Variants in RARB observed in about 807,000 individuals in gnomAD.
The protein encoded by RARB is retinoic acid receptor beta, also known as HBV-activated protein.
Under a neutral mutation model 51.9 loss-of-function variants are expected in RARB, and 17 were observed. The ratio of observed to expected loss-of-function variants is 0.33; its 90% confidence interval spans 0.22 to 0.49. The LOEUF is 0.49. Ranked by LOEUF, RARB falls within the 20% of genes least tolerant of loss-of-function variation. RARB has a pLI of 0.99. For missense variants in RARB, 369 were observed against 550.8 expected (o/e 0.67, Z 3.30); for synonymous variants, 215 against 195.4 (o/e 1.10, Z -0.84).
chr3:25,362,337 C>G (rs1705968273), intron 5 of RARB, among the ~76,000 whole-genome samples: 1 of 152,176 alleles, frequency 6.6e-6, no homozygotes, highest in Admixed American at 6.5e-5. Context: ...ACGCCCCTCC[C>G]CCGACCAAAC....
chr3:25,499,265 G>A (rs1458786062), intron 2 of RARB, among the ~76,000 whole-genome samples: 1 of 151,674 alleles, frequency 6.6e-6, no homozygotes, highest in African/African-American at 2.4e-5. Context: ...CAGATGGTGG[G>A]GCTTAGTTTC....
intron 5 of RARB, among the ~76,000 whole-genome samples, chr3:25,396,909 T>C (rs1296167385): frequency 6.6e-6 from 1 of 152,108 alleles, no homozygotes; most frequent in African/African-American, 2.4e-5. Context: ...CCAGTGTATA[T>C]CTAGGCAACC....
intron 5 of RARB, among the ~76,000 whole-genome samples, chr3:25,237,124 C>A (rs1326782738): frequency 6.6e-6 from 1 of 151,846 alleles, no homozygotes; most frequent in African/African-American, 2.4e-5. Flanking sequence ...AAAAGATTTT[C>A]TTTAATAGTT....
intron 3 of RARB, among the ~76,000 whole-genome samples, chr3:25,086,821 G>A (rs954076630): frequency 9.2e-5 from 14 of 152,074 alleles, no homozygotes; most frequent in Non-Finnish European, 1.5e-4. Flanking sequence ...GTTAAGATAA[G>A]GGACCGTGGA....
chr3:25,593,929 A>G (rs1447219209), intron 6 of RARB, among the ~76,000 whole-genome samples: 1 of 152,024 alleles, frequency 6.6e-6, no homozygotes, highest in Non-Finnish European at 1.5e-5. Context: ...CCAAAAAGCT[A>G]TTACTCCAAT....
intron 5 of RARB, among the ~76,000 whole-genome samples, chr3:25,229,636 C>G (rs1473464864): frequency 6.6e-6 from 1 of 151,790 alleles, no homozygotes; most frequent in Non-Finnish European, 1.5e-5. Flanking sequence ...AAATTAAGTT[C>G]TATGCTTTGA....
intron 5 of RARB, among the ~76,000 whole-genome samples, chr3:25,397,713 T>A (rs1219552036): frequency 1.3e-5 from 2 of 152,200 alleles, no homozygotes; most frequent in Admixed American, 6.5e-5. Flanking sequence ...TTCCTCATTA[T>A]CATAATGTTT....
chr3:24,977,377 T>C (rs2125422410), intron 2 of RARB, among the ~76,000 whole-genome samples: 1 of 152,354 alleles, frequency 6.6e-6, no homozygotes, highest in East Asian at 1.9e-4. Context: ...AAAATATTGA[T>C]TCTTCCTACC....
At chr3:25,233,610 C>A (rs965171636) in intron 5 of RARB, among the ~76,000 whole-genome samples, 4 of 152,018 alleles carry the variant, frequency 2.6e-5, no homozygotes, top group Non-Finnish European at 5.9e-5. Flanking sequence ...CATACTTGTC[C>A]TGTTCCTGAT....
At position 25,308,451 on chromosome 3, in the gene RARB, T is replaced by TC. The variant is rs1450589527; in HGVS notation, c.178+133876_178+133877insC. ...CCCTGACTGGTTTTCTTTCTTTCTT[T>TC]TTTTTTTTTTTTTTTGAGACAGAGT... is the stretch of plus-strand genomic sequence containing the variant. On this transcript the variant is annotated intron_variant, in intron 5 of 11. Transcript: ENST00000383772. Among the ~76,000 whole-genome samples, 12 of 108,290 alleles carry TC rather than the reference T, an allele frequency of 1.1e-4. No individual in the cohort carries two copies. The South Asian group carries it at 2.2e-3, about 20-fold the overall frequency. The allele number at this position is 108,290 out of a possible 152,430, so 71.0% of individuals were successfully genotyped here.
At chr3:25,457,792 G>T (rs752872861) in intron 1 of RARB, among the ~76,000 whole-genome samples, 3 of 152,156 alleles carry the variant, frequency 2.0e-5, no homozygotes, top group Non-Finnish European at 4.4e-5. Flanking sequence ...GCTGATTCCA[G>T]CCCTACCAGA....
In RARB at chr3:25,059,503, G is replaced by T. The variant is rs879763254; in HGVS notation, c.-379-622G>T. Among the ~76,000 whole-genome samples, 10 of 151,780 alleles carry T rather than the reference G, an allele frequency of 6.6e-5. No individual in the cohort carries two copies. In the South Asian group the frequency reaches 1.3e-3, roughly 19 times the overall value. On this transcript the variant is annotated intron_variant, in intron 2 of 11. Transcript: ENST00000383772. ...TCTGTCATTTTAGTAGTCATAAAAT[G>T]ACTAAAAAACCATGTTCTGTACTTT...
At chr3:25,461,591 T>G (rs1695185948) in intron 2 of RARB, among the ~76,000 whole-genome samples, 2 of 152,170 alleles carry the variant, frequency 1.3e-5, no homozygotes, top group South Asian at 4.1e-4. Context: ...AATAATTCCT[T>G]TTAGATAATA....
At chr3:25,424,205 G>A (rs567481065), upstream of RARB, among the ~76,000 whole-genome samples, 7 of 152,294 alleles carry the variant, frequency 4.6e-5, no homozygotes, top group East Asian at 1.9e-4. Flanking sequence ...CTAAGAAGTC[G>A]CTATACTCAT....
intron 2 of RARB, among the ~76,000 whole-genome samples, chr3:25,495,751 C>A (rs541610990): frequency 1.3e-5 from 2 of 152,168 alleles, no homozygotes; most frequent in Non-Finnish European, 2.9e-5. Context: ...AATTGGTGTT[C>A]ATTGTGTTAC....
chr3:24,852,982 G>T (rs904663156), intron 1 of RARB, among the ~76,000 whole-genome samples: 2 of 152,036 alleles, frequency 1.3e-5, no homozygotes, highest in African/African-American at 4.8e-5. Flanking sequence ...CTGGTGAATT[G>T]TATGGTATAT....
At chr3:25,447,788 A>G (rs1553616246) in intron 1 of RARB, among the ~76,000 whole-genome samples, 1 of 152,058 alleles carries the variant, frequency 6.6e-6, no homozygotes, top group Non-Finnish European at 1.5e-5. Flanking sequence ...GAAAACTGAC[A>G]TGACTTGCTT....
chr3:25,564,341 T>G (rs979991656), intron 3 of RARB, among the ~76,000 whole-genome samples: 1 of 152,186 alleles, frequency 6.6e-6, no homozygotes, highest in Non-Finnish European at 1.5e-5. Context: ...TACTTGATAT[T>G]TTATGGAGCA....
intron 2 of RARB, among the ~76,000 whole-genome samples, chr3:24,926,924 G>C (rs1429095531): frequency 6.6e-6 from 1 of 152,026 alleles, no homozygotes; most frequent in Non-Finnish European, 1.5e-5. Flanking sequence ...ACTAGTTTGA[G>C]TGTTTTCTTG....
Sources: allele counts gnomAD v4.1 joint callset (sites outside exome capture counted in the v4.1 genomes callset), GRCh38; gene constraint gnomAD v4.1.1; transcripts MANE v1.5; gene names NCBI Gene and HGNC (gene_info 2026-07-23, HGNC 2026-07-21).